EFCAB8: variants seen among roughly 807,000 people sequenced by gnomAD.
The protein encoded by EFCAB8 is EF-hand calcium binding domain 8.
A neutral mutation model predicts 116.3 loss-of-function variants in EFCAB8; 100 were observed. That is an observed-to-expected ratio of 0.86 (90% CI 0.73 to 1.02). The LOEUF (loss-of-function observed/expected upper bound fraction) is 1.02, where lower values mean the gene tolerates loss of function less well. Among genes scored for constraint, EFCAB8 ranks in the 50% least tolerant of loss-of-function variants. The pLI, the probability that EFCAB8 is intolerant of heterozygous loss-of-function variation, is 0.00. For missense variants in EFCAB8, 1,320 were observed against 1,416.9 expected (o/e 0.93, Z 1.10); for synonymous variants, 558 against 567.9 (o/e 0.98, Z 0.25).
rs1021249334 is a variant in EFCAB8, at chr20:32,889,888, G to A, written c.673+482G>A. ...GTGGTGGCACACGCCTGTAATCCCA[G>A]CTACTCAGGAGGCTGAGGCAGGAGA... On this transcript the variant is annotated intron_variant, in intron 7 of 26. Coordinates refer to ENST00000400522, the MANE Select transcript of EFCAB8 (RefSeq NM_001143967.2). Among the ~76,000 whole-genome samples the A allele has an allele frequency of 2.0e-5, 3 of 151,886 alleles. No homozygotes were observed. The South Asian group carries it at 6.2e-4, about 32-fold the overall frequency.
intron 3 of EFCAB8, 48 bp downstream of exon 3, chr20:32,867,795 G>A: frequency 1.3e-6 from 2 of 1,533,734 alleles, no homozygotes; most frequent in Non-Finnish European, 1.8e-6. Context: ...CTGCAACAGG[G>A]CAGGACCGAG....
chr20:32,859,278 C>G (rs1300821161), intron 1 of EFCAB8, among the ~76,000 whole-genome samples: 1 of 152,220 alleles, frequency 6.6e-6, no homozygotes, highest in Non-Finnish European at 1.5e-5. Flanking sequence ...CCTCTTCCGT[C>G]AGCTCCGGAC....
chr20:32,886,084 G>A (rs1368243606), intron 6 of EFCAB8, among the ~76,000 whole-genome samples: 1 of 152,214 alleles, frequency 6.6e-6, no homozygotes, highest in Non-Finnish European at 1.5e-5. Context: ...CATGGGCTCT[G>A]GAGCCCAAAT....
intron 26 of EFCAB8, 72 bp downstream of exon 26, chr20:32,960,233 AC>A: frequency 2.9e-6 from 4 of 1,384,670 alleles, no homozygotes; most frequent in Non-Finnish European, 4.0e-6. Flanking sequence ...ACCAGCAGCC[AC>A]CCTTGTGCCC....
intron 11 of EFCAB8, among the ~76,000 whole-genome samples, chr20:32,901,244 C>T (rs1419308906): frequency 6.6e-6 from 1 of 152,224 alleles, no homozygotes; most frequent in Non-Finnish European, 1.5e-5. Context: ...AATCTTTTGG[C>T]TTCCCTGGGC....
chr20:32,951,540 T>C (rs1988801053), intron 23 of EFCAB8, among the ~76,000 whole-genome samples: 1 of 152,112 alleles, frequency 6.6e-6, no homozygotes, highest in East Asian at 1.9e-4. Context: ...AACTGGTTGT[T>C]TGAGGATAGG....
chr20:32,961,277 C>T lies in EFCAB8; in HGVS notation c.3535C>T (p.Pro1179Ser), dbSNP rs1989142791. ...CCACCATGTCCAGAAGGACCTGGTG[C>T]CCAGCAGGGAGCAGGCTGTGCTGGA... ...VAHHVQKDLV[P>S]SREQAVLDTT... The change falls in exon 27 of 27, where the codon CCC becomes TCC. Residue 1179 changes from proline (P) to serine (S), a missense_variant. Pro to Ser is a moderately conservative substitution (Grantham distance 74). Coordinates refer to ENST00000400522, the MANE Select transcript of EFCAB8 (RefSeq NM_001143967.2). 3 of 1,549,926 alleles carry T rather than the reference C, an allele frequency of 1.9e-6. No homozygotes were observed. Among genetic ancestry groups the T allele is most frequent in the South Asian group, 1.2e-5 (1 of 83,746 alleles).
chr20:32,953,197 C>G (rs1463133883), intron 23 of EFCAB8, among the ~76,000 whole-genome samples: 7 of 152,034 alleles, frequency 4.6e-5, no homozygotes, highest in Non-Finnish European at 1.0e-4. Context: ...TATATATATG[C>G]CACATTTTCT....
Position 32,930,602 on chromosome 20 carries a change from A to T in EFCAB8, c.2617A>T (p.Lys873Ter), listed in dbSNP as rs1269923173. 1 of 1,552,180 alleles carries T rather than the reference A, an allele frequency of 6.4e-7. No homozygotes were observed. Among genetic ancestry groups the T allele is most frequent in the Non-Finnish European group, 8.7e-7 (1 of 1,147,124 alleles). ...CTGGATCCTCATCACGGGGGATTGT[A>T]AAGGATACATCAAGGTGAGGAAGAA... ...NDWILITGDC[K>*]GYIKIWDIKD... Residue 873 changes from lysine (K) to a stop codon, truncating the protein, a stop_gained, in exon 21 of 27, where the codon AAA (lysine) becomes TAA (stop). Transcript: ENST00000400522. LOFTEE classifies it high-confidence loss of function.
At chr20:32,885,368 G>C in intron 5 of EFCAB8, 137 bp from the exon 6 acceptor site, 3 of 1,160,010 alleles carry the variant, frequency 2.6e-6, no homozygotes, top group African/African-American at 3.1e-5. Context: ...GGTTTATGGC[G>C]TGCGCATGTG....
In EFCAB8 at chr20:32,911,667, G is replaced by C. The variant is rs781245662; in HGVS notation, c.1745G>C (p.Gly582Ala). 7 of 1,551,736 alleles carry C rather than the reference G, an allele frequency of 4.5e-6. No homozygotes were observed. Among genetic ancestry groups the C allele is most frequent in the Non-Finnish European group, 6.1e-6 (7 of 1,146,992 alleles). The stretch of plus-strand genomic sequence containing the variant: ...ATGAAGATGTGGAACTACAACATTG[G>C]CAAATGCCTGTTGACCTTTCCCAGT... ...GTMKMWNYNI[G>A]KCLLTFPSPE... Residue 582 changes from glycine to alanine, a missense_variant, in exon 16 of 27, where the codon GGC becomes GCC. Coordinates refer to ENST00000400522, the MANE Select transcript of EFCAB8 (RefSeq NM_001143967.2).
intron 4 of EFCAB8, among the ~76,000 whole-genome samples, chr20:32,877,212 T>C (rs1056277701): frequency 6.4e-5 from 9 of 141,610 alleles, no homozygotes; most frequent in African/African-American, 1.5e-4. Flanking sequence ...TCTTTCTTTT[T>C]TTTTTTTTTT....
chr20:32,932,160 T>C (rs1387958394), intron 22 of EFCAB8, among the ~76,000 whole-genome samples: 2 of 151,966 alleles, frequency 1.3e-5, no homozygotes, highest in African/African-American at 4.8e-5. Flanking sequence ...TGGTGGATCA[T>C]CTGAGGTCAG....
rs1984490569 is a variant in EFCAB8, at chr20:32,867,611, G to A, written c.72G>A (p.Lys24=). 1 of 1,551,634 alleles carries A rather than the reference G, an allele frequency of 6.4e-7. No individual in the cohort carries two copies. The highest frequency in any genetic ancestry group is 2.0e-5 in the Admixed American group (1 of 50,992). ...CCATCCCACATGGCTTCCAGAACAA[G>A]GAGGCTGCTAGCTCCCCAACACCAT... is the stretch of plus-strand genomic sequence containing the variant. ...KLSIPHGFQN[K]EAASSPTPSI... Residue 24 remains lysine (K), a synonymous_variant, in exon 3 of 27, where the codon AAG becomes AAA. Coordinates refer to ENST00000400522, the MANE Select transcript of EFCAB8 (RefSeq NM_001143967.2).
At chr20:32,879,854 C>T (rs1196052055) in intron 5 of EFCAB8, among the ~76,000 whole-genome samples, 1 of 152,152 alleles carries the variant, frequency 6.6e-6, no homozygotes, top group African/African-American at 2.4e-5. Context: ...CAGTATGCTG[C>T]GGTGCCCTAT....
chr20:32,959,716 C>A, intron 24 of EFCAB8, 62 bp from the exon 25 acceptor site: 1 of 1,299,278 alleles, frequency 7.7e-7, no homozygotes, highest in Non-Finnish European at 1.0e-6. Flanking sequence ...TTCAGGGTTT[C>A]TGGGAGGGTC....
At chr20:32,881,998 A>G (rs1023342580) in intron 5 of EFCAB8, among the ~76,000 whole-genome samples, 1 of 152,136 alleles carries the variant, frequency 6.6e-6, no homozygotes, top group Non-Finnish European at 1.5e-5. Context: ...ACCTGAGGTC[A>G]GGAGTCCTGG....
intron 17 of EFCAB8, among the ~76,000 whole-genome samples, chr20:32,913,668 A>G (rs1027767243): frequency 1.3e-5 from 2 of 151,436 alleles, no homozygotes; most frequent in African/African-American, 4.9e-5. Flanking sequence ...GCTACAATTC[A>G]TTCTGAAGCA....
intron 7 of EFCAB8, among the ~76,000 whole-genome samples, chr20:32,890,626 G>C (rs1423359444): frequency 6.6e-6 from 1 of 152,214 alleles, no homozygotes; most frequent in Non-Finnish European, 1.5e-5. Flanking sequence ...GGTGGTCAGG[G>C]AGAGGGAATT....
Sources: allele counts gnomAD v4.1 joint callset (sites outside exome capture counted in the v4.1 genomes callset), GRCh38; gene constraint gnomAD v4.1.1; transcripts MANE v1.5; gene names NCBI Gene and HGNC (gene_info 2026-07-23, HGNC 2026-07-21).